The following SLC25A30 variants were observed in gnomAD, a reference collection of about 807,000 sequenced individuals.
SLC25A30 encodes the protein solute carrier family 25 member 30, also known as kidney mitochondrial carrier protein 1.
A neutral mutation model predicts 42.7 loss-of-function variants in SLC25A30; 29 were observed. That is an observed-to-expected ratio of 0.68 (90% CI 0.51 to 0.93). SLC25A30 has a LOEUF of 0.93. Among genes scored for constraint, SLC25A30 ranks in the 40% least tolerant of loss-of-function variants. The pLI is 0.00. For synonymous variants in SLC25A30, 124 were observed against 131.0 expected, an observed-to-expected ratio of 0.95 and a Z score of 0.37; for missense variants, 300 against 359.7, an observed-to-expected ratio of 0.83 and a Z score of 1.34.
chr13:45,424,816 A>AT, the SLC25A30 span, among the ~76,000 whole-genome samples: 1 of 60,626 alleles, frequency 1.6e-5, no homozygotes, highest in African/African-American at 6.6e-5. Context: ...AAAAAAATAT[A>AT]AATATATAAA....
the SLC25A30 span, among the ~76,000 whole-genome samples, chr13:45,430,419 A>G: frequency 6.6e-6 from 1 of 152,228 alleles, no homozygotes; most frequent in Non-Finnish European, 1.5e-5. Context: ...AGTTTAAAGT[A>G]GTTGCCTCTG....
the SLC25A30 span, among the ~76,000 whole-genome samples, chr13:45,423,665 AT>A: frequency 3.4e-4 from 10 of 29,024 alleles, 1 homozygote; most frequent in African/African-American, 1.0e-3. Context: ...ATAAATATAT[AT>A]AAAATACATA....
chr13:45,412,434 T>A (rs546571932), intron 1 of SLC25A30, among the ~76,000 whole-genome samples: 1 of 152,264 alleles, frequency 6.6e-6, no homozygotes, highest in East Asian at 1.9e-4. Flanking sequence ...AAATATCGGC[T>A]CACTTCTCTT....
chr13:45,395,479 T>C lies in SLC25A30; in HGVS notation c.*495A>G. 1.0e-6 allele frequency: 1 copy of C among 999,158 alleles called. No homozygotes were observed. Among genetic ancestry groups the C allele is most frequent in the Non-Finnish European group, 1.2e-6 (1 of 837,282 alleles). 61.9% of individuals were successfully genotyped at this position (999,158 alleles called of 1,614,324 possible). On this transcript the variant is annotated 3_prime_UTR_variant, in exon 10 of 10. Coordinates refer to ENST00000519676, the MANE Select transcript of SLC25A30 (RefSeq NM_001010875.4). ...TTCCTGCACCGTTTATACCTGGGGT[T>C]GAACAGTCCAGGTCTCCATACATGA...
intron 6 of SLC25A30, among the ~76,000 whole-genome samples, chr13:45,401,713 G>C (rs1408875890): frequency 4.6e-5 from 7 of 151,188 alleles, no homozygotes; most frequent in African/African-American, 1.7e-4. Context: ...CAAAAAAAGT[G>C]CTTATCCTTC....
chr13:45,423,591 AT>A, the SLC25A30 span, among the ~76,000 whole-genome samples: 21 of 25,354 alleles, frequency 8.3e-4, 1 homozygote, highest in East Asian at 2.0e-3. Context: ...ATATATATAA[AT>A]ATATATATAT....
At position 45,394,984 on chromosome 13, in the gene SLC25A30, A is replaced by G. The variant is rs564889009; in HGVS notation, c.*990T>C. On this transcript the variant is annotated 3_prime_UTR_variant, in exon 10 of 10. Coordinates refer to ENST00000519676, the MANE Select transcript of SLC25A30 (RefSeq NM_001010875.4). Reference sequence around the variant, plus strand: ...GAACTTATACAGTGTTCTTTCTTCAACAAGACCTTAACAAAGGGCTTCATT... The same window carrying G: ...GAACTTATACAGTGTTCTTTCTTCAGCAAGACCTTAACAAAGGGCTTCATT... 1 of 985,432 alleles carries G rather than the reference A, an allele frequency of 1.0e-6. No homozygotes were observed. The highest frequency in any genetic ancestry group is 1.7e-5 in the African/African-American group (1 of 57,360). 61.0% of individuals were successfully genotyped at this position (985,432 alleles called of 1,614,324 possible).
rs1403911217 is a variant in SLC25A30, at chr13:45,393,612, C to T, written c.*2362G>A. On this transcript the variant is annotated 3_prime_UTR_variant, in exon 10 of 10. Coordinates refer to ENST00000519676, the MANE Select transcript of SLC25A30 (RefSeq NM_001010875.4). ...TCCTTTTGGCATATTTAAGAAAACC[C>T]AAAGGTGGGGAGGTACTTATAGCCA... 1 of 985,188 alleles carries T rather than the reference C, an allele frequency of 1.0e-6. No homozygotes were observed. Among genetic ancestry groups the T allele is most frequent in the Non-Finnish European group, 1.2e-6 (1 of 829,896 alleles). The allele number at this position is 985,188 out of a possible 1,614,324, so 61.0% of individuals were successfully genotyped here. A position where few individuals can be genotyped will look rare whatever the true frequency, so the allele number is the denominator to read the frequency against.
the SLC25A30 span, among the ~76,000 whole-genome samples, chr13:45,427,335 C>T: frequency 6.6e-6 from 1 of 152,118 alleles, no homozygotes; most frequent in African/African-American, 2.4e-5. Flanking sequence ...AAAACAATTA[C>T]CTCTGGTCCT....
At chr13:45,414,613 G>C (rs1359143053) in intron 1 of SLC25A30, among the ~76,000 whole-genome samples, 5 of 138,460 alleles carry the variant, frequency 3.6e-5, no homozygotes, top group Non-Finnish European at 7.7e-5. Context: ...GCGAAACTTT[G>C]TCTCAAACAC....
chr13:45,395,184 T>C lies in SLC25A30; in HGVS notation c.*790A>G, dbSNP rs1777151593. On this transcript the variant is annotated 3_prime_UTR_variant, in exon 10 of 10. Coordinates refer to ENST00000519676, the MANE Select transcript of SLC25A30 (RefSeq NM_001010875.4). The stretch of plus-strand genomic sequence containing the variant: ...GACGTTATTATCCCCATTTTACTCA[T>C]TGAGAAATACATATGCTTTGCTAAA... 3.0e-6 allele frequency: 3 copies of C among 984,804 alleles called. No individual in the cohort carries two copies. The highest frequency in any genetic ancestry group is 9.4e-5 in the South Asian group (2 of 21,272). 61.0% of individuals were successfully genotyped at this position (984,804 alleles called of 1,614,324 possible). A position where few individuals can be genotyped will look rare whatever the true frequency, so the allele number is the denominator to read the frequency against.
In SLC25A30 at chr13:45,408,970, C is replaced by A; in HGVS notation, c.169G>T (p.Val57Leu). 6.2e-7 allele frequency: 1 copy of A among 1,613,464 alleles called. No individual in the cohort carries two copies. Residue 57 changes from valine to leucine, a missense_variant, in exon 3 of 10, where the codon GTG (valine) becomes TTG (leucine). Val to Leu is a conservative substitution (Grantham distance 32). Coordinates refer to ENST00000519676, the MANE Select transcript of SLC25A30 (RefSeq NM_001010875.4). ...AGCCCTTCTTCTCTGCCTATCCTCA[C>A]TAATGCGTGCAACATTCCTCGGTAT... The part of the protein sequence containing the change: ...IRYRGMLHAL[V>L]RIGREEGLKA...
the SLC25A30 span, among the ~76,000 whole-genome samples, chr13:45,433,280 G>A: frequency 6.6e-6 from 1 of 152,110 alleles, no homozygotes; most frequent in Non-Finnish European, 1.5e-5. Context: ...TAAGTGATCT[G>A]GGGCACTTCA....
chr13:45,410,727 G>A (rs1409647897), intron 2 of SLC25A30, among the ~76,000 whole-genome samples: 1 of 152,238 alleles, frequency 6.6e-6, no homozygotes, highest in Admixed American at 6.5e-5. Context: ...TGGGAGGACC[G>A]CTTGAGCACG....
At chr13:45,398,286 A>C (rs1374986189) in intron 8 of SLC25A30, 6 of 152,694 alleles carry the variant, frequency 3.9e-5, no homozygotes, top group African/African-American at 1.4e-4. Flanking sequence ...GATAGAAGTA[A>C]CAGACACTGG....
At chr13:45,421,439 G>A (rs1344054283), upstream of SLC25A30, among the ~76,000 whole-genome samples, 2 of 147,448 alleles carry the variant, frequency 1.4e-5, no homozygotes, top group African/African-American at 2.5e-5. Flanking sequence ...ATATATCTAC[G>A]AACTATTCAG....
chr13:45,424,543 A>AATATAT, the SLC25A30 span, among the ~76,000 whole-genome samples: 6 of 45,524 alleles, frequency 1.3e-4, no homozygotes, highest in African/African-American at 8.0e-4. Context: ...ATAAATATAT[A>AATATAT]AATATATAAA....
At chr13:45,400,033 T>TACACACACAC (rs71184413) in intron 7 of SLC25A30, among the ~76,000 whole-genome samples, 14 of 122,994 alleles carry the variant, frequency 1.1e-4, no homozygotes, top group East Asian at 6.9e-4. Flanking sequence ...TATATATATA[T>TACACACACAC]ACACACACAC....
the SLC25A30 span, among the ~76,000 whole-genome samples, chr13:45,423,814 A>AT: frequency 0.19 from 10,460 of 55,160 alleles, 1,425 homozygotes; most frequent in Non-Finnish European, 0.26. Flanking sequence ...ATATATATAA[A>AT]AATATAAATA....
Sources: allele counts gnomAD v4.1 joint callset (sites outside exome capture counted in the v4.1 genomes callset), GRCh38; gene constraint gnomAD v4.1.1; transcripts MANE v1.5; gene names NCBI Gene and HGNC (gene_info 2026-07-23, HGNC 2026-07-21).